Variants in ARHGEF3 observed in about 807,000 individuals in gnomAD.
ARHGEF3 encodes 59.8 kDA protein.
A neutral mutation model predicts 63.2 loss-of-function variants in ARHGEF3; 28 were observed. That is an observed-to-expected ratio of 0.44 (90% CI 0.33 to 0.61). The LOEUF (loss-of-function observed/expected upper bound fraction) is 0.61. Ranked by LOEUF, ARHGEF3 falls within the 20% of genes least tolerant of loss-of-function variation. The probability of loss-of-function intolerance (pLI) is 0.03; values close to 1 mark genes in which losing one functional copy is unlikely to be tolerated. For missense variants in ARHGEF3, 533 were observed against 659.3 expected (o/e 0.81, Z 2.10); for synonymous variants, 266 against 254.2 (o/e 1.05, Z -0.44).
At chr3:56,850,575 G>T (rs2039642671) in intron 4 of ARHGEF3, among the ~76,000 whole-genome samples, 3 of 152,324 alleles carry the variant, frequency 2.0e-5, no homozygotes, top group Admixed American at 2.0e-4. Flanking sequence ...AACCTGAAAT[G>T]AAGTGGGGTC....
intron 2 of ARHGEF3, among the ~76,000 whole-genome samples, chr3:57,017,713 AG>A (rs1201389444): frequency 2.6e-5 from 4 of 152,218 alleles, no homozygotes; most frequent in Non-Finnish European, 5.9e-5. Flanking sequence ...CGGCTGCCCA[AG>A]GATGAGTCAC....
At chr3:57,053,103 A>G (rs2107311171) in intron 1 of ARHGEF3, among the ~76,000 whole-genome samples, 1 of 152,314 alleles carries the variant, frequency 6.6e-6, no homozygotes, top group Admixed American at 6.5e-5. Context: ...GCAGGTTCCC[A>G]TATGGGAAAA....
At chr3:57,002,460 C>T (rs1244656956) in intron 2 of ARHGEF3, among the ~76,000 whole-genome samples, 1 of 8,436 alleles carries the variant, frequency 1.2e-4, no homozygotes, top group Non-Finnish European at 2.4e-4. Flanking sequence ...CTGTTCTAAG[C>T]ACTATATATA....
chr3:56,902,113 T>C (rs1215752212), intron 3 of ARHGEF3, among the ~76,000 whole-genome samples: 1 of 152,214 alleles, frequency 6.6e-6, no homozygotes, highest in Non-Finnish European at 1.5e-5. Flanking sequence ...GATACTTGTT[T>C]ACAGTATGGG....
At chr3:56,928,423 G>A (rs752730011) in intron 3 of ARHGEF3, among the ~76,000 whole-genome samples, 3 of 152,100 alleles carry the variant, frequency 2.0e-5, no homozygotes, top group Non-Finnish European at 4.4e-5. Flanking sequence ...TTGCAGACAG[G>A]CTCTGAAAAC....
At chr3:56,983,997 A>ACAGT (rs34483934) in intron 2 of ARHGEF3, among the ~76,000 whole-genome samples, 33,678 of 150,718 alleles carry the variant, frequency 0.22, 3,961 homozygotes, top group Middle Eastern at 0.38. Context: ...GCCACACTGT[A>ACAGT]CAGTCCCTCA....
At chr3:57,045,506 G>C (rs1037531679) in intron 1 of ARHGEF3, among the ~76,000 whole-genome samples, 1 of 152,198 alleles carries the variant, frequency 6.6e-6, no homozygotes, top group Non-Finnish European at 1.5e-5. Flanking sequence ...GGTTGTCTAT[G>C]TCACATTGTC....
intron 4 of ARHGEF3, among the ~76,000 whole-genome samples, chr3:56,830,141 C>G (rs1397167039): frequency 6.6e-6 from 1 of 152,088 alleles, no homozygotes. Context: ...AGTATATACT[C>G]TTATCCATAA....
chr3:56,771,947 G>T lies in ARHGEF3; in HGVS notation c.204+1762C>A, dbSNP rs547139417. The stretch of plus-strand genomic sequence containing the variant: ...GAGAGACCAGATGTGCGGGACTAGG[G>T]CAGTGATGAATCTTCCAGGGGATGC... On this transcript the variant is annotated intron_variant, in intron 2 of 9. Transcript: ENST00000296315. Among the ~76,000 whole-genome samples, 4 of 152,308 alleles carry T rather than the reference G, an allele frequency of 2.6e-5. No individual in the cohort carries two copies. In the East Asian group the frequency reaches 5.8e-4, roughly 22 times the overall value.
intron 4 of ARHGEF3, among the ~76,000 whole-genome samples, chr3:56,819,825 T>C (rs2038407370): frequency 7.4e-6 from 1 of 135,840 alleles, no homozygotes; most frequent in Non-Finnish European, 1.5e-5. Flanking sequence ...CTGGTGCAAC[T>C]TTTTTTTTTT....
intron 3 of ARHGEF3, among the ~76,000 whole-genome samples, chr3:56,912,105 A>C (rs1436582054): frequency 6.6e-6 from 1 of 152,152 alleles, no homozygotes; most frequent in Non-Finnish European, 1.5e-5. Context: ...TAAATCATTC[A>C]TTAAATCATT....
rs777872211 is a variant in ARHGEF3, at chr3:56,773,775, C to T, written c.138G>A (p.Thr46=). The T allele has an allele frequency of 1.2e-5, 19 of 1,600,482 alleles. No homozygotes were observed. The highest frequency in any genetic ancestry group is 4.5e-5 in the East Asian group (2 of 44,284). Residue 46 remains threonine, a synonymous_variant, in exon 2 of 10, where the codon ACG becomes ACA. Coordinates refer to ENST00000296315, the MANE Select transcript of ARHGEF3 (RefSeq NM_019555.3). ...NKRVKPLSRV[T]SLANLIPPVK... ...CGGGCGGGATGAGGTTTGCTAGCGA[C>T]GTGACTCGGGAAAGGGGTTTGACCC... is the stretch of plus-strand genomic sequence containing the variant.
At chr3:56,858,711 T>C (rs1462447551) in intron 4 of ARHGEF3, among the ~76,000 whole-genome samples, 2 of 152,148 alleles carry the variant, frequency 1.3e-5, no homozygotes, top group East Asian at 3.8e-4. Context: ...GGGAGTCATA[T>C]CTGGGGGAAT....
chr3:56,732,823 C>T (rs1345295202), intron 8 of ARHGEF3, among the ~76,000 whole-genome samples: 3 of 152,152 alleles, frequency 2.0e-5, no homozygotes, highest in Admixed American at 6.5e-5. Flanking sequence ...TTAGCACTCT[C>T]TTGACTTTAG....
At chr3:56,889,576 C>A (rs1297810121) in intron 3 of ARHGEF3, among the ~76,000 whole-genome samples, 1 of 152,130 alleles carries the variant, frequency 6.6e-6, no homozygotes, top group East Asian at 1.9e-4. Context: ...CGCTGAAGCT[C>A]AGGAAGGTTT....
chr3:56,968,144 A>T (rs1420081845), intron 2 of ARHGEF3, among the ~76,000 whole-genome samples: 9 of 38,978 alleles, frequency 2.3e-4, no homozygotes, highest in Non-Finnish European at 3.7e-4. Context: ...TTTATATATA[A>T]TATATATAAA....
intron 2 of ARHGEF3, among the ~76,000 whole-genome samples, chr3:56,997,582 C>T (rs1042361481): frequency 3.3e-5 from 5 of 152,198 alleles, no homozygotes; most frequent in South Asian, 2.1e-4. Context: ...GCTGACTCCG[C>T]GCAGATCTAC....
intron 7 of ARHGEF3, 149 bp downstream of exon 7, chr3:56,745,056 A>C (rs2034291762): frequency 1.8e-5 from 19 of 1,049,042 alleles, no homozygotes; most frequent in Non-Finnish European, 2.6e-5. Context: ...TTGCAAAATC[A>C]AAACATGGTT....
upstream of ARHGEF3, among the ~76,000 whole-genome samples, chr3:56,805,158 T>C (rs2037818273): frequency 2.0e-5 from 3 of 152,218 alleles, no homozygotes; most frequent in Admixed American, 2.0e-4. Flanking sequence ...GGGTTGCTCA[T>C]TGCAGTATCC....
Sources: allele counts gnomAD v4.1 joint callset (sites outside exome capture counted in the v4.1 genomes callset), GRCh38; gene constraint gnomAD v4.1.1; transcripts MANE v1.5; gene names NCBI Gene and HGNC (gene_info 2026-07-23, HGNC 2026-07-21).